GPC5: variants seen among roughly 807,000 people sequenced by gnomAD.
GPC5 encodes glypican-5.
A neutral mutation model predicts 53.9 loss-of-function variants in GPC5; 47 were observed. The ratio of observed to expected loss-of-function variants is 0.87; its 90% CI spans 0.69 to 1.11. The LOEUF is 1.11. Ranked by LOEUF, GPC5 falls within the 50% of genes most tolerant of loss-of-function variation. The probability of loss-of-function intolerance (pLI) is 0.00; values close to 1 mark genes in which losing one functional copy is unlikely to be tolerated. For missense variants in GPC5, 748 were observed against 713.1 expected, an observed-to-expected ratio of 1.05 and a Z score of -0.56; for synonymous variants, 286 against 263.3, an observed-to-expected ratio of 1.09 and a Z score of -0.84.
At chr13:92,237,556 G>A (rs2042579551) in intron 7 of GPC5, among the ~76,000 whole-genome samples, 1 of 152,022 alleles carries the variant, frequency 6.6e-6, no homozygotes, top group Non-Finnish European at 1.5e-5. Flanking sequence ...AGCATTAATA[G>A]AAAAATCATG....
At chr13:92,234,781 T>TG (rs1489601963) in intron 7 of GPC5, among the ~76,000 whole-genome samples, 2 of 152,144 alleles carry the variant, frequency 1.3e-5, no homozygotes, top group African/African-American at 4.8e-5. Context: ...TCTTACGGCC[T>TG]GGTGCAGGTG....
chr13:91,690,622 C>T (rs2035738173), intron 2 of GPC5, among the ~76,000 whole-genome samples: 1 of 152,136 alleles, frequency 6.6e-6, no homozygotes, highest in South Asian at 2.1e-4. Context: ...TAAAGATAAA[C>T]TCCATATTTT....
At chr13:91,861,852 C>T (rs967641426) in intron 5 of GPC5, among the ~76,000 whole-genome samples, 2 of 150,738 alleles carry the variant, frequency 1.3e-5, no homozygotes, top group Non-Finnish European at 3.0e-5. Flanking sequence ...AGTTATTTGT[C>T]TTACAGTAAT....
intron 7 of GPC5, among the ~76,000 whole-genome samples, chr13:92,262,859 C>G (rs1049758731): frequency 1.3e-5 from 2 of 152,144 alleles, no homozygotes; most frequent in Admixed American, 6.6e-5. Flanking sequence ...CCTGTTAGCT[C>G]TTTCTCATCA....
intron 7 of GPC5, among the ~76,000 whole-genome samples, chr13:92,556,545 T>C (rs2139023033): frequency 6.6e-6 from 1 of 151,998 alleles, no homozygotes; most frequent in South Asian, 2.1e-4. Context: ...CAATCTTCAG[T>C]GAACTTACAG....
chr13:91,890,463 G>A (rs2039372880), intron 5 of GPC5, among the ~76,000 whole-genome samples: 1 of 152,054 alleles, frequency 6.6e-6, no homozygotes, highest in Admixed American at 6.6e-5. Context: ...TTGGGTTGTT[G>A]GTCTGATCTC....
intron 5 of GPC5, among the ~76,000 whole-genome samples, chr13:91,766,056 A>G (rs1403066764): frequency 6.6e-6 from 1 of 152,250 alleles, no homozygotes; most frequent in Non-Finnish European, 1.5e-5. Context: ...TTTCACAAAC[A>G]CTGTTCTAGA....
intron 7 of GPC5, among the ~76,000 whole-genome samples, chr13:92,503,284 C>A (rs1880254847): frequency 6.6e-6 from 1 of 151,704 alleles, no homozygotes; most frequent in South Asian, 2.1e-4. Context: ...CAGTAGCATA[C>A]TTTTTAACAA....
chr13:91,428,396 G>A (rs1281283397), intron 1 of GPC5, among the ~76,000 whole-genome samples: 9 of 152,146 alleles, frequency 5.9e-5, no homozygotes, highest in Non-Finnish European at 5.9e-5. Context: ...TGGCTTATGG[G>A]TAGGCTTGGA....
intron 2 of GPC5, among the ~76,000 whole-genome samples, chr13:91,617,251 A>G (rs1259967082): frequency 2.0e-5 from 3 of 152,178 alleles, no homozygotes; most frequent in Admixed American, 6.6e-5. Flanking sequence ...GCTATGTATG[A>G]GAGTGAAATG....
At chr13:92,576,805 G>A (rs1032866958) in intron 7 of GPC5, among the ~76,000 whole-genome samples, 3 of 152,066 alleles carry the variant, frequency 2.0e-5, no homozygotes, top group Non-Finnish European at 2.9e-5. Context: ...GACTTTATCT[G>A]TACTTATCTA....
chr13:91,802,487 C>T (rs1342941152), intron 5 of GPC5, among the ~76,000 whole-genome samples: 2 of 152,146 alleles, frequency 1.3e-5, no homozygotes, highest in East Asian at 3.9e-4. Context: ...AACAAAGCTT[C>T]CACAGCATGG....
chr13:92,197,491 TA>T (rs1490996457), intron 7 of GPC5, among the ~76,000 whole-genome samples: 1 of 152,070 alleles, frequency 6.6e-6, no homozygotes, highest in Non-Finnish European at 1.5e-5. Context: ...AAACCACATA[TA>T]TTTTTTCCTA....
intron 6 of GPC5, among the ~76,000 whole-genome samples, chr13:91,973,702 G>A (rs2040267453): frequency 6.6e-6 from 1 of 152,180 alleles, no homozygotes; most frequent in Non-Finnish European, 1.5e-5. Context: ...ACCCTCAGCT[G>A]CAGGTCTGTT....
chr13:92,350,376 C>G (rs1030424721), intron 7 of GPC5, among the ~76,000 whole-genome samples: 17 of 152,144 alleles, frequency 1.1e-4, no homozygotes, highest in African/African-American at 4.1e-4. Flanking sequence ...ATTGAAAGTC[C>G]TTACTAGAAC....
At chr13:91,655,350 T>C (rs910512747) in intron 2 of GPC5, among the ~76,000 whole-genome samples, 3 of 152,034 alleles carry the variant, frequency 2.0e-5, no homozygotes, top group Non-Finnish European at 2.9e-5. Flanking sequence ...ATCTTAATCC[T>C]TCAAGATTGG....
At chr13:92,004,268 A>G (rs1179093105) in intron 6 of GPC5, among the ~76,000 whole-genome samples, 1 of 151,398 alleles carries the variant, frequency 6.6e-6, no homozygotes, top group East Asian at 1.9e-4. Context: ...AACATGGTGA[A>G]ACCCTGTCTC....
chr13:92,193,542 C>T (rs1209409827), intron 7 of GPC5, among the ~76,000 whole-genome samples: 1 of 152,112 alleles, frequency 6.6e-6, no homozygotes, highest in Non-Finnish European at 1.5e-5. Flanking sequence ...TATTTAACTC[C>T]AGATTTGATT....
At chr13:91,959,310 G>T (rs1043833419) in intron 6 of GPC5, among the ~76,000 whole-genome samples, 2 of 149,732 alleles carry the variant, frequency 1.3e-5, no homozygotes, top group Admixed American at 6.7e-5. Flanking sequence ...TAGAAGAAAT[G>T]GATAAATTAT....
Sources: allele counts gnomAD v4.1 joint callset (sites outside exome capture counted in the v4.1 genomes callset), GRCh38; gene constraint gnomAD v4.1.1; transcripts MANE v1.5; gene names NCBI Gene and HGNC (gene_info 2026-07-23, HGNC 2026-07-21).